HNF4G: variants seen among roughly 807,000 people sequenced by gnomAD.
The protein encoded by HNF4G is hepatocyte nuclear factor 4-gamma.
Under a neutral mutation model 50.9 loss-of-function variants are expected in HNF4G, and 21 were observed. That is an observed-to-expected ratio of 0.41 (90% CI 0.29 to 0.59). The LOEUF is 0.59. Ranked by LOEUF, HNF4G falls within the 20% of genes least tolerant of loss-of-function variation. HNF4G has a pLI of 0.26. For missense variants in HNF4G, 527 were observed against 559.4 expected (o/e 0.94, Z 0.58); for synonymous variants, 198 against 185.6 (o/e 1.07, Z -0.54).
intron 1 of HNF4G, among the ~76,000 whole-genome samples, chr8:75,419,390 C>A (rs1810726022): frequency 6.6e-6 from 1 of 152,128 alleles, no homozygotes; most frequent in South Asian, 2.1e-4. Flanking sequence ...AAACAATAAT[C>A]CAGAGGCTAC....
At chr8:75,483,689 G>A (rs1253788514) in intron 1 of HNF4G, among the ~76,000 whole-genome samples, 1 of 152,104 alleles carries the variant, frequency 6.6e-6, no homozygotes, top group Non-Finnish European at 1.5e-5. Context: ...TAAATGAAAG[G>A]TCCGCTCTCT....
intron 1 of HNF4G, among the ~76,000 whole-genome samples, chr8:75,409,812 T>C (rs1325128275): frequency 2.0e-5 from 3 of 152,082 alleles, no homozygotes; most frequent in Non-Finnish European, 4.4e-5. Context: ...TAAATTCTTG[T>C]TTTTTCTATA....
intron 1 of HNF4G, among the ~76,000 whole-genome samples, chr8:75,450,395 C>A (rs1269891964): frequency 6.6e-6 from 1 of 152,078 alleles, no homozygotes; most frequent in African/African-American, 2.4e-5. Context: ...ATATTAATAG[C>A]CTTAAGTATT....
chr8:75,529,525 T>A (rs1806273704), intron 2 of HNF4G, among the ~76,000 whole-genome samples: 1 of 152,138 alleles, frequency 6.6e-6, no homozygotes, highest in Non-Finnish European at 1.5e-5. Context: ...AATATAAGCC[T>A]AGGAGACAGA....
intron 2 of HNF4G, among the ~76,000 whole-genome samples, chr8:75,494,321 C>CAT (rs1267138402): frequency 6.6e-6 from 1 of 150,944 alleles, no homozygotes; most frequent in Non-Finnish European, 1.5e-5. Context: ...CACACACACA[C>CAT]ACACACACAC....
At chr8:75,482,603 G>C (rs533533905) in intron 1 of HNF4G, among the ~76,000 whole-genome samples, 214 of 152,224 alleles carry the variant, frequency 1.4e-3, no homozygotes, top group African/African-American at 4.9e-3. Flanking sequence ...CCTGACCTCA[G>C]GTGACCTGCC....
chr8:75,478,140 C>G (rs1038466667), intron 1 of HNF4G, among the ~76,000 whole-genome samples: 1 of 151,860 alleles, frequency 6.6e-6, no homozygotes, highest in Non-Finnish European at 1.5e-5. Context: ...GGCGGAACCC[C>G]GTATCTACAA....
chr8:75,458,606 A>G (rs570251464), intron 1 of HNF4G, among the ~76,000 whole-genome samples: 17 of 152,256 alleles, frequency 1.1e-4, no homozygotes, highest in Non-Finnish European at 2.4e-4. Context: ...AGTTTCTTGA[A>G]GGCAGGAATT....
chr8:75,546,616 A>G (rs1437125699), intron 2 of HNF4G, among the ~76,000 whole-genome samples: 1 of 152,146 alleles, frequency 6.6e-6, no homozygotes, highest in Non-Finnish European at 1.5e-5. Flanking sequence ...ATCATACGAT[A>G]TATGATCTCT....
rs575793947 is a variant in HNF4G at position 75,498,467 on chromosome 8, C to T, written c.-24+8259C>T. Among the ~76,000 whole-genome samples, 12 of 152,108 alleles carry T rather than the reference C, an allele frequency of 7.9e-5. No individual in the cohort carries two copies. In the East Asian group the frequency reaches 1.5e-3, roughly 20 times the overall value. ...GATTATATGACTTCACTGGTGAATTCGAGCAAGTATTTAAAGACAAATTGT... is the reference window on the plus strand; with the variant it reads ...GATTATATGACTTCACTGGTGAATTTGAGCAAGTATTTAAAGACAAATTGT... On this transcript the variant is annotated intron_variant, in intron 2 of 10. Transcript: ENST00000354370.
intron 1 of HNF4G, among the ~76,000 whole-genome samples, chr8:75,471,699 C>T (rs1325161682): frequency 6.6e-6 from 1 of 152,158 alleles, no homozygotes; most frequent in Non-Finnish European, 1.5e-5. Context: ...ATATTTAGCT[C>T]TATCCTTGTC....
intron 1 of HNF4G, among the ~76,000 whole-genome samples, chr8:75,438,095 C>G (rs1046677705): frequency 6.6e-6 from 1 of 152,090 alleles, no homozygotes; most frequent in Non-Finnish European, 1.5e-5. Context: ...GATGACAACA[C>G]GAAATTGTTC....
At chr8:75,426,842 G>A (rs761388523) in intron 1 of HNF4G, among the ~76,000 whole-genome samples, 16 of 152,124 alleles carry the variant, frequency 1.1e-4, no homozygotes, top group Non-Finnish European at 1.9e-4. Context: ...TGTTTAGTTC[G>A]TACTTGGGAG....
chr8:75,438,351 T>C (rs928172465), intron 1 of HNF4G, among the ~76,000 whole-genome samples: 1 of 152,192 alleles, frequency 6.6e-6, no homozygotes, highest in East Asian at 1.9e-4. Context: ...AGTCCTATAT[T>C]GACATCTAAA....
intron 2 of HNF4G, among the ~76,000 whole-genome samples, chr8:75,516,475 A>G (rs1342088977): frequency 6.6e-6 from 1 of 152,026 alleles, no homozygotes; most frequent in African/African-American, 2.4e-5. Context: ...TGTTTATTTT[A>G]TGAACCAGAA....
chr8:75,546,722 A>G (rs1193854929), intron 2 of HNF4G, among the ~76,000 whole-genome samples: 3 of 152,152 alleles, frequency 2.0e-5, no homozygotes, highest in African/African-American at 7.2e-5. Context: ...ACTGACAAAT[A>G]ATAAAATTCC....
intron 1 of HNF4G, among the ~76,000 whole-genome samples, chr8:75,412,898 A>G (rs562336304): frequency 1.6e-4 from 25 of 152,156 alleles, no homozygotes; most frequent in Admixed American, 3.3e-4. Context: ...AGGTGACACT[A>G]TTATATTAGG....
chr8:75,413,836 G>A (rs1312998582), intron 1 of HNF4G, among the ~76,000 whole-genome samples: 1 of 151,544 alleles, frequency 6.6e-6, no homozygotes, highest in Non-Finnish European at 1.5e-5. Flanking sequence ...CAGCCTGGAC[G>A]ACAAAGAGAG....
chr8:75,535,526 T>C (rs1806441646), upstream of HNF4G, among the ~76,000 whole-genome samples: 1 of 151,880 alleles, frequency 6.6e-6, no homozygotes, highest in Non-Finnish European at 1.5e-5. Flanking sequence ...TGATCTCATT[T>C]GTGTAATCTT....
Sources: allele counts gnomAD v4.1 joint callset (sites outside exome capture counted in the v4.1 genomes callset), GRCh38; gene constraint gnomAD v4.1.1; transcripts MANE v1.5; gene names NCBI Gene and HGNC (gene_info 2026-07-23, HGNC 2026-07-21).